The following MYO3B variants were observed in gnomAD, a reference collection of about 807,000 sequenced individuals.
MYO3B encodes myosin-IIIb.
MYO3B carries 156 observed loss-of-function variants against 174.6 expected under a neutral mutation model. The ratio of observed to expected loss-of-function variants is 0.89; its 90% CI spans 0.78 to 1.02. MYO3B has a LOEUF of 1.02. Among genes scored for constraint, MYO3B ranks in the 50% least tolerant of loss-of-function variants. The pLI is 0.00. For synonymous variants in MYO3B, 563 were observed against 569.1 expected (o/e 0.99, Z 0.15); for missense variants, 1,632 against 1,639.4 (o/e 1.00, Z 0.08).
intron 32 of MYO3B, among the ~76,000 whole-genome samples, chr2:170,590,335 T>G (rs1693744529): frequency 6.6e-6 from 1 of 152,174 alleles, no homozygotes; most frequent in Non-Finnish European, 1.5e-5. Context: ...ACTTTTCTCC[T>G]TATAGTACAA....
intron 8 of MYO3B, among the ~76,000 whole-genome samples, chr2:170,352,638 C>T (rs953721306): frequency 6.6e-6 from 1 of 152,130 alleles, no homozygotes; most frequent in African/African-American, 2.4e-5. Context: ...TACTCGTTTT[C>T]ATGGTGTAAA....
chr2:170,201,300 T>C (rs1271105978), intron 3 of MYO3B, among the ~76,000 whole-genome samples: 1 of 152,218 alleles, frequency 6.6e-6, no homozygotes, highest in Non-Finnish European at 1.5e-5. Context: ...TACACTGTTT[T>C]ATTCTGGGCT....
chr2:170,250,842 C>T (rs370958803), intron 7 of MYO3B, among the ~76,000 whole-genome samples: 21 of 151,920 alleles, frequency 1.4e-4, no homozygotes, highest in East Asian at 7.8e-4. Context: ...GTCTAGCGGC[C>T]GACTCTCCCA....
At chr2:170,511,798 C>T (rs551142035) in intron 28 of MYO3B, among the ~76,000 whole-genome samples, 1 of 152,310 alleles carries the variant, frequency 6.6e-6, no homozygotes, top group South Asian at 2.1e-4. Context: ...ATCAAACTGA[C>T]CACTCTGGCC....
intron 23 of MYO3B, among the ~76,000 whole-genome samples, chr2:170,460,772 A>G (rs527465189): frequency 6.6e-6 from 1 of 152,342 alleles, no homozygotes; most frequent in African/African-American, 2.4e-5. Context: ...ATTGGTGCTT[A>G]ACTCTGCATT....
At chr2:170,193,400 CTTT>C (rs1162235868) in intron 1 of MYO3B, among the ~76,000 whole-genome samples, 4 of 151,676 alleles carry the variant, frequency 2.6e-5, no homozygotes, top group African/African-American at 9.7e-5. Flanking sequence ...TCTTTGACTT[CTTT>C]TTTTTACTTT....
At chr2:170,493,418 T>C (rs1686620278) in intron 25 of MYO3B, among the ~76,000 whole-genome samples, 1 of 152,218 alleles carries the variant, frequency 6.6e-6, no homozygotes, top group African/African-American at 2.4e-5. Context: ...GACCTGGACA[T>C]CAGTGACCTT....
At chr2:170,622,954 T>C (rs1696069542) in intron 32 of MYO3B, among the ~76,000 whole-genome samples, 1 of 152,222 alleles carries the variant, frequency 6.6e-6, no homozygotes, top group African/African-American at 2.4e-5. Context: ...TGCCACATTT[T>C]CTTAATCCAG....
intron 32 of MYO3B, among the ~76,000 whole-genome samples, chr2:170,599,966 A>G (rs1170737712): frequency 6.6e-6 from 1 of 152,180 alleles, no homozygotes; most frequent in Non-Finnish European, 1.5e-5. Flanking sequence ...AAATTATTAA[A>G]TTCATAAGTC....
intron 8 of MYO3B, chr2:170,350,978 A>C (rs185282324): frequency 2.0e-5 from 3 of 152,274 alleles, no homozygotes; most frequent in Admixed American, 6.5e-5. Flanking sequence ...TATAAAGAAA[A>C]GGCCAAAAAC....
chr2:170,360,625 G>C (rs775513400), intron 8 of MYO3B, among the ~76,000 whole-genome samples: 1 of 152,226 alleles, frequency 6.6e-6, no homozygotes, highest in African/African-American at 2.4e-5. Flanking sequence ...TGGTTTGAAT[G>C]TGTCTCCTCC....
chr2:170,634,483 G>A (rs1559183569), intron 32 of MYO3B, among the ~76,000 whole-genome samples: 1 of 151,844 alleles, frequency 6.6e-6, no homozygotes, highest in Non-Finnish European at 1.5e-5. Flanking sequence ...ATGGATTAAA[G>A]ACTTACATGT....
At chr2:170,313,354 T>C (rs1220120286) in intron 7 of MYO3B, among the ~76,000 whole-genome samples, 3 of 152,156 alleles carry the variant, frequency 2.0e-5, no homozygotes, top group Non-Finnish European at 4.4e-5. Context: ...AGTAAGTACA[T>C]GAAAGCTCCC....
chr2:170,600,297 C>T (rs868524540), intron 32 of MYO3B, among the ~76,000 whole-genome samples: 6 of 152,044 alleles, frequency 3.9e-5, no homozygotes, highest in Admixed American at 1.3e-4. Context: ...ATTATAAGAA[C>T]GCTATTTTAG....
intron 16 of MYO3B, among the ~76,000 whole-genome samples, chr2:170,393,161 G>A (rs2094424317): frequency 6.7e-6 from 1 of 148,658 alleles, no homozygotes; most frequent in South Asian, 2.1e-4. Context: ...TCAGCTCACT[G>A]CAACTTCTGT....
chr2:170,361,609 C>G (rs2094161853), intron 8 of MYO3B, among the ~76,000 whole-genome samples: 1 of 152,220 alleles, frequency 6.6e-6, no homozygotes, highest in Non-Finnish European at 1.5e-5. Flanking sequence ...AAGAATAAAA[C>G]AGCCAACTCG....
At chr2:170,270,479 G>A (rs1449319377) in intron 7 of MYO3B, among the ~76,000 whole-genome samples, 2 of 152,130 alleles carry the variant, frequency 1.3e-5, no homozygotes, top group African/African-American at 4.8e-5. Flanking sequence ...GGACGCAGCT[G>A]GCTTAGATCT....
At chr2:170,365,618 C>T (rs1377602394) in intron 8 of MYO3B, among the ~76,000 whole-genome samples, 1 of 151,958 alleles carries the variant, frequency 6.6e-6, no homozygotes, top group Non-Finnish European at 1.5e-5. Flanking sequence ...CTCTTTGCTC[C>T]CCATGAGAAA....
intron 7 of MYO3B, among the ~76,000 whole-genome samples, chr2:170,317,774 G>T (rs1301367665): frequency 6.6e-6 from 1 of 152,158 alleles, no homozygotes; most frequent in Non-Finnish European, 1.5e-5. Flanking sequence ...TTCTTAAAAA[G>T]GAGGTTCCAT....
Sources: allele counts gnomAD v4.1 joint callset (sites outside exome capture counted in the v4.1 genomes callset), GRCh38; gene constraint gnomAD v4.1.1; transcripts MANE v1.5; gene names NCBI Gene and HGNC (gene_info 2026-07-23, HGNC 2026-07-21).